The following CYB5A variants were observed in gnomAD, a reference collection of about 807,000 sequenced individuals.
CYB5A encodes the protein cytochrome b5.
In CYB5A, 10 loss-of-function variants were observed where a neutral mutation model predicts 16.2. The ratio of observed to expected loss-of-function variants is 0.62; its 90% CI spans 0.38 to 1.04. The LOEUF (loss-of-function observed/expected upper bound fraction) is 1.04, where lower values mean the gene tolerates loss of function less well. Ranked by LOEUF, CYB5A falls within the 50% of genes least tolerant of loss-of-function variation. The pLI is 0.01. For missense variants in CYB5A, 161 were observed against 165.9 expected (o/e 0.97, Z 0.16); for synonymous variants, 62 against 57.0 (o/e 1.09, Z -0.40).
intron 3 of CYB5A, chr18:74,259,896 C>T (rs1221829576): frequency 2.0e-5 from 3 of 152,090 alleles, no homozygotes; most frequent in African/African-American, 7.2e-5. Context: ...CCTGGAAGTA[C>T]TCATATCATT....
chr18:74,287,175 C>T (rs182537345), intron 1 of CYB5A, among the ~76,000 whole-genome samples: 5 of 151,730 alleles, frequency 3.3e-5, no homozygotes, highest in Non-Finnish European at 5.9e-5. Flanking sequence ...ATTTACCTAA[C>T]GGTATATATT....
chr18:74,277,615 G>C (rs1465108983), intron 1 of CYB5A, among the ~76,000 whole-genome samples: 1 of 152,220 alleles, frequency 6.6e-6, no homozygotes, highest in African/African-American at 2.4e-5. Flanking sequence ...CGAGCATCAG[G>C]TGCAGGAGTC....
At chr18:74,269,400 CCCT>C (rs1476426899) in intron 1 of CYB5A, among the ~76,000 whole-genome samples, 2 of 152,166 alleles carry the variant, frequency 1.3e-5, no homozygotes, top group African/African-American at 2.4e-5. Context: ...TGGTCCTCAC[CCCT>C]CCTCCATCTG....
intron 1 of CYB5A, among the ~76,000 whole-genome samples, chr18:74,265,607 C>G (rs1982402105): frequency 6.6e-6 from 1 of 152,188 alleles, no homozygotes; most frequent in African/African-American, 2.4e-5. Flanking sequence ...TGAAGAAATA[C>G]CTGAGACTGG....
At chr18:74,289,710 A>T (rs893774788) in intron 1 of CYB5A, among the ~76,000 whole-genome samples, 6 of 149,230 alleles carry the variant, frequency 4.0e-5, no homozygotes, top group African/African-American at 7.4e-5. Flanking sequence ...CAGGAGGCAG[A>T]GGTTGCAGTG....
At chr18:74,267,536 G>A (rs932670084) in intron 1 of CYB5A, among the ~76,000 whole-genome samples, 2 of 152,198 alleles carry the variant, frequency 1.3e-5, no homozygotes, top group Non-Finnish European at 2.9e-5. Context: ...TTATGCCATC[G>A]TGGTTATGCC....
chr18:74,288,483 T>C (rs1340229044), intron 1 of CYB5A, among the ~76,000 whole-genome samples: 2 of 152,230 alleles, frequency 1.3e-5, no homozygotes, highest in African/African-American at 4.8e-5. Context: ...ATAAAATATT[T>C]GTTAGTTAAC....
rs762319332 is a variant in CYB5A, at chr18:74,253,625, C to T, written c.364G>A (p.Ala122Thr). The T allele has an allele frequency of 8.1e-6, 13 of 1,613,468 alleles. No homozygotes were observed. In the South Asian group the frequency reaches 1.2e-4, roughly 15 times the overall value. Residue 122 changes from alanine (A) to threonine (T), a missense_variant, in exon 5 of 5, where the codon GCC becomes ACC. By Grantham distance (58) the Ala-to-Thr change is moderately conservative (BLOSUM62 0). Coordinates refer to ENST00000340533, the MANE Select transcript of CYB5A (RefSeq NM_148923.4). The part of the protein sequence containing the change: ...NWVIPAISAV[A>T]VALMYRLYMA... ...TATAGGCGATACATCAAGGCGACGG[C>T]CACTGCAGAGATGGCAGGGATCACC...
rs1046097184 is a variant in CYB5A at position 74,283,093 on chromosome 18, C to T, written c.129+8654G>A. Among the ~76,000 whole-genome samples the T allele has an allele frequency of 8.5e-5, 13 of 152,158 alleles. 1 individual carries two copies. Among genetic ancestry groups the T allele is most frequent in the Admixed American group, 8.5e-4 (13 of 15,280 alleles). ...GGTGGCAAAGATACAAGAGAGGCCA[C>T]ACCAGGGCATCTGCTCTCAGCTTGG... On this transcript the variant is annotated intron_variant, in intron 1 of 4. Transcript: ENST00000340533.
At chr18:74,253,725 C>T in intron 4 of CYB5A, 60 bp from the exon 5 acceptor site, 1 of 1,228,902 alleles carries the variant, frequency 8.1e-7, no homozygotes, top group Non-Finnish European at 1.2e-6. Flanking sequence ...GACTCAAAAT[C>T]TTTGCTCCTT....
rs1981847576 is a variant in CYB5A, at chr18:74,253,580, G to A, written c.*4C>T. On this transcript the variant is annotated 3_prime_UTR_variant, in exon 5 of 5. Coordinates refer to ENST00000340533, the MANE Select transcript of CYB5A (RefSeq NM_148923.4). ...TCTTCCTGCGCTGACTTCTGAGGAG[G>A]TGTTCAGTCCTCTGCCATGTATAGG... 6.2e-7 allele frequency: 1 copy of A among 1,605,606 alleles called. No individual in the cohort carries two copies. The highest frequency in any genetic ancestry group is 8.5e-7 in the Non-Finnish European group (1 of 1,172,712).
Position 74,272,916 on chromosome 18 carries a change from C to T in CYB5A, c.130-9439G>A, listed in dbSNP as rs555288171. 2.0e-5 allele frequency among the ~76,000 whole-genome samples: 3 copies of T among 152,222 alleles called. No individual in the cohort carries two copies. In the South Asian group the frequency reaches 6.2e-4, roughly 32 times the overall value. ...CAGCCTGGGCGACAAAAGCGAGACT[C>T]CATTGCAAAAACAAAACAAAACAAA... On this transcript the variant is annotated intron_variant, in intron 1 of 4. Transcript: ENST00000340533.
chr18:74,279,567 C>G, intron 1 of CYB5A, among the ~76,000 whole-genome samples: 1 of 138,720 alleles, frequency 7.2e-6, no homozygotes, highest in African/African-American at 2.6e-5. Context: ...AAATAAAAAA[C>G]AAAAGAGATA....
At chr18:74,261,327 A>G (rs772292352) in intron 2 of CYB5A, 9 of 281,068 alleles carry the variant, frequency 3.2e-5, no homozygotes, top group Admixed American at 2.3e-4. Context: ...TACGTGTATG[A>G]TATCTTCAGT....
chr18:74,263,183 G>A (rs2145047896), intron 2 of CYB5A, among the ~76,000 whole-genome samples, 166 bp downstream of exon 2: 1 of 145,586 alleles, frequency 6.9e-6, no homozygotes, highest in African/African-American at 2.5e-5. Context: ...GAAATGCAAA[G>A]ACATTTTTGG....
At chr18:74,288,713 AG>A (rs1369248028) in intron 1 of CYB5A, among the ~76,000 whole-genome samples, 2 of 152,238 alleles carry the variant, frequency 1.3e-5, no homozygotes, top group African/African-American at 4.8e-5. Context: ...CCAGGAGCAC[AG>A]GAAGTCACCT....
chr18:74,286,383 T>C (rs1983320673), intron 1 of CYB5A, among the ~76,000 whole-genome samples: 2 of 152,280 alleles, frequency 1.3e-5, no homozygotes, highest in South Asian at 4.1e-4. Context: ...TGAGTCATTT[T>C]GTTTACTAGT....
At position 74,252,933 on chromosome 18, in the gene CYB5A, C is replaced by A. The variant is rs1468017596; in HGVS notation, c.*651G>T. ...GGTCAGGCTGGTCTTGAACTCCTGACCTCAAGTGATCCACCCACCTCAGCC... is the reference window on the plus strand; with the variant it reads ...GGTCAGGCTGGTCTTGAACTCCTGAACTCAAGTGATCCACCCACCTCAGCC... On this transcript the variant is annotated 3_prime_UTR_variant, in exon 5 of 5. Transcript: ENST00000340533. 6.5e-6 allele frequency: 1 copy of A among 153,106 alleles called. No individual in the cohort carries two copies. Among genetic ancestry groups the A allele is most frequent in the East Asian group, 1.9e-4 (1 of 5,208 alleles). 9.5% of individuals were successfully genotyped at this position (153,106 alleles called of 1,614,324 possible).
At chr18:74,275,430 C>T (rs1982832469) in intron 1 of CYB5A, among the ~76,000 whole-genome samples, 1 of 152,092 alleles carries the variant, frequency 6.6e-6, no homozygotes, top group Non-Finnish European at 1.5e-5. Flanking sequence ...CTCCGAGCAC[C>T]AGGATGAGGC....
Sources: allele counts gnomAD v4.1 joint callset (sites outside exome capture counted in the v4.1 genomes callset), GRCh38; gene constraint gnomAD v4.1.1; transcripts MANE v1.5; gene names NCBI Gene and HGNC (gene_info 2026-07-23, HGNC 2026-07-21).